Variants in ZBTB16 observed in about 807,000 individuals in gnomAD.
ZBTB16 encodes zinc finger and BTB domain-containing protein 16.
Under a neutral mutation model 56.8 loss-of-function variants are expected in ZBTB16, and 8 were observed. The ratio of observed to expected loss-of-function variants is 0.14; its 90% CI spans 0.08 to 0.25. ZBTB16 has a LOEUF of 0.25. ZBTB16 is among the 10% of genes least tolerant of loss of function. ZBTB16 has a pLI of 1.00. For missense variants in ZBTB16, 625 were observed against 903.0 expected, an observed-to-expected ratio of 0.69 and a Z score of 3.95; for synonymous variants, 363 against 368.5, an observed-to-expected ratio of 0.98 and a Z score of 0.17.
intron 3 of ZBTB16, among the ~76,000 whole-genome samples, chr11:114,180,066 G>A (rs953496689): frequency 1.3e-5 from 2 of 152,184 alleles, no homozygotes; most frequent in African/African-American, 4.8e-5. Context: ...TCCCACACAC[G>A]GAGGCCTCAG....
chr11:114,129,596 C>G (rs1028754112), intron 2 of ZBTB16, among the ~76,000 whole-genome samples: 4 of 152,228 alleles, frequency 2.6e-5, no homozygotes, highest in African/African-American at 9.6e-5. Flanking sequence ...CTTCTTCCTC[C>G]CTCTTCATTT....
intron 4 of ZBTB16, among the ~76,000 whole-genome samples, chr11:114,192,010 A>G (rs1943506276): frequency 6.6e-6 from 1 of 152,142 alleles, no homozygotes; most frequent in Admixed American, 6.5e-5. Flanking sequence ...AAAACAATAA[A>G]GTGTTATTGT....
intron 4 of ZBTB16, chr11:114,209,892 G>A (rs1306802773): frequency 1.0e-6 from 1 of 985,296 alleles, no homozygotes; most frequent in Non-Finnish European, 1.2e-6. Flanking sequence ...CTTCATGAAG[G>A]ATATCTGTAT....
chr11:114,076,970 C>CT (rs1939591317), intron 2 of ZBTB16, among the ~76,000 whole-genome samples: 2 of 152,136 alleles, frequency 1.3e-5, no homozygotes, highest in African/African-American at 4.8e-5. Context: ...GATTCAACGG[C>CT]TGGGGGGGAG....
intron 2 of ZBTB16, among the ~76,000 whole-genome samples, chr11:114,107,051 A>G (rs900733013): frequency 2.6e-5 from 4 of 152,186 alleles, no homozygotes; most frequent in Non-Finnish European, 4.4e-5. Context: ...GCACATACAT[A>G]TAGATGCCCC....
chr11:114,193,924 T>C lies in ZBTB16; in HGVS notation c.1453+6886T>C, dbSNP rs182012482. 1.9e-3 allele frequency among the ~76,000 whole-genome samples: 294 copies of C among 152,316 alleles called. 5 individuals carry two copies. The highest frequency in any genetic ancestry group is 4.0e-4 in the Non-Finnish European group (27 of 68,024). ...GGCCTAGACACTACCCACTAGGAAG[T>C]AGAGAACTGGAACTTGACCCAACTC... On this transcript the variant is annotated intron_variant, in intron 4 of 6. Coordinates refer to ENST00000335953, the MANE Select transcript of ZBTB16 (RefSeq NM_006006.6).
intron 3 of ZBTB16, among the ~76,000 whole-genome samples, chr11:114,172,717 T>C (rs1013625861): frequency 6.6e-6 from 1 of 152,234 alleles, no homozygotes; most frequent in African/African-American, 2.4e-5. Context: ...AACAGTCTAT[T>C]TCCTGCACAC....
Position 114,156,443 on chromosome 11 carries a change from G to A in ZBTB16, c.1366+9G>A. ...CTTACTGGCTCATTCAGGTAGGCAA[G>A]TTCGCCTTAGTGGCCCGTTCAGATA... On this transcript the variant is annotated intron_variant, in intron 3 of 6. Coordinates refer to ENST00000335953, the MANE Select transcript of ZBTB16 (RefSeq NM_006006.6). The A allele has an allele frequency of 6.2e-7, 1 of 1,613,824 alleles. No individual in the cohort carries two copies. The highest frequency in any genetic ancestry group is 8.5e-7 in the Non-Finnish European group (1 of 1,179,676).
chr11:114,136,620 C>CT (rs1166851279), intron 2 of ZBTB16, among the ~76,000 whole-genome samples: 1 of 152,024 alleles, frequency 6.6e-6, no homozygotes, highest in Admixed American at 6.6e-5. Context: ...GTTGTGGTAG[C>CT]TACAGAGATG....
chr11:114,138,589 C>A (rs1941859960), intron 2 of ZBTB16, among the ~76,000 whole-genome samples: 1 of 151,988 alleles, frequency 6.6e-6, no homozygotes, highest in African/African-American at 2.4e-5. Flanking sequence ...TCTGTGGTGG[C>A]TAATGCTCTG....
intron 2 of ZBTB16, among the ~76,000 whole-genome samples, chr11:114,105,230 C>G (rs1482348234): frequency 2.0e-5 from 3 of 148,372 alleles, no homozygotes; most frequent in Non-Finnish European, 4.4e-5. Flanking sequence ...TTAATTCTGT[C>G]TCTCTCTCTC....
intron 2 of ZBTB16, among the ~76,000 whole-genome samples, chr11:114,155,917 C>T (rs17116541): frequency 6.6e-6 from 1 of 152,020 alleles, no homozygotes; most frequent in Non-Finnish European, 1.5e-5. Flanking sequence ...TCCTGGGTCC[C>T]ATGGGCTCGT....
chr11:114,140,494 A>G (rs1426732465), intron 2 of ZBTB16, among the ~76,000 whole-genome samples: 1 of 152,238 alleles, frequency 6.6e-6, no homozygotes, highest in Non-Finnish European at 1.5e-5. Context: ...TAGGCCCAGA[A>G]CAGAGGAGAC....
chr11:114,235,697 T>TTCTA, intron 4 of ZBTB16, among the ~76,000 whole-genome samples: 1 of 132,366 alleles, frequency 7.6e-6, no homozygotes, highest in Middle Eastern at 3.5e-3. Flanking sequence ...TTTCTTTTCT[T>TTCTA]TCTTTCTTTT....
At chr11:114,163,105 T>C (rs1942637935) in intron 3 of ZBTB16, among the ~76,000 whole-genome samples, 1 of 152,188 alleles carries the variant, frequency 6.6e-6, no homozygotes, top group Non-Finnish European at 1.5e-5. Context: ...AAACAAAAAC[T>C]GTTTAATGCT....
intron 2 of ZBTB16, among the ~76,000 whole-genome samples, chr11:114,112,802 C>T (rs1409944838): frequency 1.3e-5 from 2 of 149,346 alleles, no homozygotes; most frequent in African/African-American, 4.9e-5. Flanking sequence ...CGCACTATCA[C>T]CCAGGCTGGA....
At position 114,063,918 on chromosome 11, in the gene ZBTB16, G is replaced by C; in HGVS notation, c.618G>C (p.Leu206Phe). Residue 206 changes from leucine to phenylalanine, a missense_variant, in exon 2 of 7, where the codon TTG (leucine) becomes TTC (phenylalanine). Physicochemically the swap from Leu to Phe is conservative, Grantham distance 22. Transcript: ENST00000335953. This position sits in a 1 kb window ranked among gnomAD's most constrained non-coding sequence, Gnocchi z 6.5. ...CCACCAAGGCTGCAGTGGACAGTTT[G>C]ATGACCATAGGACAGTCTCTCCTGC... Reference protein sequence around the residue: ...MSPTKAAVDSLMTIGQSLLQG... With the variant: ...MSPTKAAVDSFMTIGQSLLQG... The C allele has an allele frequency of 6.2e-7, 1 of 1,613,968 alleles. No individual in the cohort carries two copies. The highest frequency in any genetic ancestry group is 1.7e-5 in the Admixed American group (1 of 60,030).
chr11:114,153,103 G>C (rs1456680805), intron 2 of ZBTB16, among the ~76,000 whole-genome samples: 1 of 152,226 alleles, frequency 6.6e-6, no homozygotes, highest in East Asian at 1.9e-4. Context: ...GTGCCATGGA[G>C]AGTCTACTGG....
chr11:114,152,148 A>G (rs1235473140), intron 2 of ZBTB16, among the ~76,000 whole-genome samples: 5 of 152,194 alleles, frequency 3.3e-5, no homozygotes, highest in Admixed American at 6.5e-5. Flanking sequence ...AATGCCATAG[A>G]TGCCACTTTA....
Sources: allele counts gnomAD v4.1 joint callset (sites outside exome capture counted in the v4.1 genomes callset), GRCh38; gene constraint gnomAD v4.1.1; non-coding constraint Gnocchi (gnomAD v3.1); transcripts MANE v1.5; gene names NCBI Gene and HGNC (gene_info 2026-07-23, HGNC 2026-07-21).